The following SLC12A2 variants were observed in gnomAD, a reference collection of about 807,000 sequenced individuals.
SLC12A2 encodes Na-K-2Cl cotransporter 1.
In SLC12A2, 67 loss-of-function variants were observed where a neutral mutation model predicts 136.3. The observed-to-expected ratio is 0.49, with a 90% CI of 0.40 to 0.60. SLC12A2 has a LOEUF of 0.60. Ranked by LOEUF, SLC12A2 falls within the 20% of genes least tolerant of loss-of-function variation. SLC12A2 has a pLI of 0.00. For synonymous variants in SLC12A2, 619 were observed against 562.9 expected, an observed-to-expected ratio of 1.10 and a Z score of -1.41; for missense variants, 1,322 against 1,534.7, an observed-to-expected ratio of 0.86 and a Z score of 2.32.
chr5:128,147,283 G>A (rs1420586025), intron 10 of SLC12A2, among the ~76,000 whole-genome samples: 1 of 151,606 alleles, frequency 6.6e-6, no homozygotes, highest in Non-Finnish European at 1.5e-5. Flanking sequence ...ACATATTTAT[G>A]TGCTAAAGGA....
Position 128,084,116 on chromosome 5 carries a change from C to CGGGGTCCGCGATGA in SLC12A2, c.166_179dup (p.Pro61SerfsTer86). 1 of 1,306,390 alleles carries CGGGGTCCGCGATGA rather than the reference C, an allele frequency of 7.7e-7. No homozygotes were observed. Among genetic ancestry groups the CGGGGTCCGCGATGA allele is most frequent in the Non-Finnish European group, 9.7e-7 (1 of 1,032,156 alleles). 80.9% of individuals were successfully genotyped at this position (1,306,390 alleles called of 1,614,324 possible). On this transcript the variant is annotated frameshift_variant, in exon 1 of 27. Coordinates refer to ENST00000262461, the MANE Select transcript of SLC12A2 (RefSeq NM_001046.3). LOFTEE classifies it high-confidence loss of function. This position sits in a 1 kb window ranked among gnomAD's most constrained non-coding sequence, Gnocchi z 5.6. ...CTGCGCCCGCGAGCCGGGACGGCGG[C>CGGGGTCCGCGATGA]GGGGTCCGCGATGAGGGCCCCGCGG...
intron 1 of SLC12A2, among the ~76,000 whole-genome samples, chr5:128,106,102 A>G (rs968356431): frequency 1.5e-4 from 23 of 152,240 alleles, no homozygotes; most frequent in African/African-American, 5.3e-4. Context: ...ACTTCAAATC[A>G]TAATGCTACT....
At chr5:128,147,310 C>G (rs1235243092) in intron 10 of SLC12A2, among the ~76,000 whole-genome samples, 2 of 151,450 alleles carry the variant, frequency 1.3e-5, no homozygotes, top group Non-Finnish European at 3.0e-5. Flanking sequence ...GGACTTGTTT[C>G]AAAATATTGT....
rs549683601 is a variant in SLC12A2 at position 128,140,097 on chromosome 5, C to G, written c.1621+1189C>G. On this transcript the variant is annotated intron_variant, in intron 9 of 26. Coordinates refer to ENST00000262461, the MANE Select transcript of SLC12A2 (RefSeq NM_001046.3). ...CACTGCAACCTCCGCCTCCCAGATT[C>G]AAGCAATTCTCGTGCCTCACCCTCC... Among the ~76,000 whole-genome samples, 13 of 152,266 alleles carry G rather than the reference C, an allele frequency of 8.5e-5. No individual in the cohort carries two copies. The South Asian group carries it at 1.5e-3, about 17-fold the overall frequency.
chr5:128,119,744 C>G (rs2126679393), intron 4 of SLC12A2, among the ~76,000 whole-genome samples: 1 of 152,240 alleles, frequency 6.6e-6, no homozygotes, highest in African/African-American at 2.4e-5. Flanking sequence ...AGACCTAAAA[C>G]CATAAAAACC....
rs11948128 is a variant in SLC12A2, at chr5:128,094,612, A to G, written c.756+9902A>G. Reference sequence around the variant, plus strand: ...ATATCCATTGAATATAAAATAGAAAAGATTTAGGCTGCAGAGTTCTAGTGT... The same window carrying G: ...ATATCCATTGAATATAAAATAGAAAGGATTTAGGCTGCAGAGTTCTAGTGT... On this transcript the variant is annotated intron_variant, in intron 1 of 26. Coordinates refer to ENST00000262461, the MANE Select transcript of SLC12A2 (RefSeq NM_001046.3). 0.027 allele frequency among the ~76,000 whole-genome samples: 4,142 copies of G among 152,144 alleles called. 396 individuals are homozygous for G. The East Asian group carries it at 0.36, about 13-fold the overall frequency.
intron 24 of SLC12A2, among the ~76,000 whole-genome samples, chr5:128,183,225 C>G (rs1763762900): frequency 6.6e-6 from 1 of 152,020 alleles, no homozygotes; most frequent in Admixed American, 6.6e-5. Context: ...CACTCAGTCC[C>G]TGCTCTACAT....
In SLC12A2 at chr5:128,084,658, G is replaced by C; in HGVS notation, c.704G>C (p.Gly235Ala). 5 of 1,612,450 alleles carry C rather than the reference G, an allele frequency of 3.1e-6. No individual in the cohort carries two copies. The highest frequency in any genetic ancestry group is 4.2e-6 in the Non-Finnish European group (5 of 1,179,538). The change falls in exon 1 of 27, where the codon GGC (glycine) becomes GCC (alanine). Residue 235 changes from glycine to alanine, a missense_variant. Physicochemically the swap from Gly to Ala is moderately conservative, Grantham distance 60. Around this residue, in one of 8 missense-constraint regions of SLC12A2, gnomAD observed 32 missense variants for 63.6 expected, o/e 0.50. Transcript: ENST00000262461. The surrounding 1 kb of genome is among the most constrained non-coding windows in gnomAD (Gnocchi z 5.6). ...TACCGGCACACAGCCGCGCAGCTGG[G>C]CGAGAAGCTGCTCCGGCCTAGCCTG... is the stretch of plus-strand genomic sequence containing the variant. ...DHYRHTAAQL[G>A]EKLLRPSLAE... is the part of the protein sequence containing the mutation.
At chr5:128,116,195 A>G (rs1184265027) in intron 4 of SLC12A2, among the ~76,000 whole-genome samples, 2 of 152,028 alleles carry the variant, frequency 1.3e-5, no homozygotes, top group African/African-American at 4.8e-5. Context: ...TTTTCCTCAG[A>G]CCTTAGAATC....
intron 4 of SLC12A2, among the ~76,000 whole-genome samples, chr5:128,128,498 A>G (rs1166016041): frequency 6.6e-6 from 1 of 151,892 alleles, no homozygotes; most frequent in Non-Finnish European, 1.5e-5. Flanking sequence ...ATTATTTTCT[A>G]TGTCTTCAGC....
At chr5:128,182,476 T>C (rs550559432) in intron 23 of SLC12A2, among the ~76,000 whole-genome samples, 1 of 152,278 alleles carries the variant, frequency 6.6e-6, no homozygotes, top group Non-Finnish European at 1.5e-5. Context: ...TGTTCTTGGA[T>C]GGAAGAATAA....
At chr5:128,172,590 A>G (rs887605397) in intron 19 of SLC12A2, among the ~76,000 whole-genome samples, 5 of 152,342 alleles carry the variant, frequency 3.3e-5, no homozygotes, top group Admixed American at 2.6e-4. Context: ...ATAATAATAT[A>G]GTGTGTAACT....
intron 16 of SLC12A2, among the ~76,000 whole-genome samples, chr5:128,159,173 AC>A (rs958343654): frequency 6.6e-6 from 1 of 152,006 alleles, no homozygotes; most frequent in Non-Finnish European, 1.5e-5. Context: ...GCTTTTTGAT[AC>A]CTATGGAGTA....
chr5:128,141,954 T>A lies in SLC12A2; in HGVS notation c.1746T>A (p.Cys582Ter). Reference protein sequence around the residue: ...FDFSSCESSPCSYGLMNNFQV... With the variant: ...FDFSSCESSP ...TTTCATCTTGTGAAAGCAGTCCTTGTTCCTATGGCCTAATGAACAACTTCC... is the reference window on the plus strand; with the variant it reads ...TTTCATCTTGTGAAAGCAGTCCTTGATCCTATGGCCTAATGAACAACTTCC... The change falls in exon 10 of 27, where the codon TGT becomes TGA. Residue 582 changes from cysteine (C) to a stop codon, truncating the protein, a stop_gained. Transcript: ENST00000262461. LOFTEE classifies it high-confidence loss of function. 1 of 1,613,996 alleles carries A rather than the reference T, an allele frequency of 6.2e-7. No homozygotes were observed. The highest frequency in any genetic ancestry group is 8.5e-7 in the Non-Finnish European group (1 of 1,179,914).
At position 128,150,484 on chromosome 5, in the gene SLC12A2, AT is replaced by A. The variant is rs1353199242; in HGVS notation, c.2107+390del. ...TAAAATTCTGAAAAGGAATTTTAAA[AT>A]TTTAATTTTAAAAAAGGAACAAAAG... On this transcript the variant is annotated intron_variant, in intron 13 of 26. Coordinates refer to ENST00000262461, the MANE Select transcript of SLC12A2 (RefSeq NM_001046.3). Among the ~76,000 whole-genome samples the A allele has an allele frequency of 5.3e-5, 8 of 151,960 alleles. No homozygotes were observed. The East Asian group carries it at 1.5e-3, about 29-fold the overall frequency.
intron 26 of SLC12A2, 90 bp downstream of exon 26, chr5:128,184,946 C>A: frequency 9.0e-7 from 1 of 1,106,156 alleles, no homozygotes; most frequent in Non-Finnish European, 1.3e-6. Flanking sequence ...CTATATAACA[C>A]CCATATTGAC....
intron 17 of SLC12A2, among the ~76,000 whole-genome samples, chr5:128,162,837 A>G (rs1763083339): frequency 6.6e-6 from 1 of 152,238 alleles, no homozygotes; most frequent in South Asian, 2.1e-4. Context: ...TAGAAATGGC[A>G]TAGAGCAAGC....
intron 2 of SLC12A2, 42 bp from the exon 3 acceptor site, chr5:128,114,170 A>C (rs759841089): frequency 1.5e-5 from 20 of 1,337,646 alleles, no homozygotes; most frequent in Non-Finnish European, 1.9e-5. Flanking sequence ...ATGTTTGATT[A>C]TTCTTCTTCC....
At chr5:128,125,855 T>G (rs1480385000) in intron 4 of SLC12A2, among the ~76,000 whole-genome samples, 3 of 152,178 alleles carry the variant, frequency 2.0e-5, no homozygotes, top group Non-Finnish European at 2.9e-5. Flanking sequence ...TGTAGTTGTT[T>G]TTCTCCCTAC....
Sources: gnomAD v4.1 joint callset for allele counts (sites outside exome capture counted in the v4.1 genomes callset) on GRCh38, gnomAD v4.1.1 for gene constraint, gnomAD v4.1.1 regional missense constraint, Gnocchi (gnomAD v3.1) non-coding constraint, MANE v1.5 for transcripts, NCBI Gene and HGNC (gene_info 2026-07-23, HGNC 2026-07-21) for gene names.